PCNX2: variants seen among roughly 807,000 people sequenced by gnomAD.
PCNX2 encodes the protein pecanex-like protein 2.
PCNX2 carries 168 observed loss-of-function variants against 223.8 expected under a neutral mutation model. That is an observed-to-expected ratio of 0.75 (90% confidence interval 0.66 to 0.85). The LOEUF (loss-of-function observed/expected upper bound fraction) is 0.85, where lower values mean the gene tolerates loss of function less well. Among genes scored for constraint, PCNX2 ranks in the 40% least tolerant of loss-of-function variants. The probability of loss-of-function intolerance (pLI) is 0.00; values close to 1 mark genes in which losing one functional copy is unlikely to be tolerated. For synonymous variants in PCNX2, 1,006 were observed against 1,052.6 expected (o/e 0.96, Z 0.86); for missense variants, 2,507 against 2,675.5 (o/e 0.94, Z 1.39).
intron 25 of PCNX2, among the ~76,000 whole-genome samples, chr1:233,050,143 T>A (rs1323978583): frequency 6.6e-6 from 1 of 151,996 alleles, no homozygotes; most frequent in African/African-American, 2.4e-5. Flanking sequence ...ATGTAGATGA[T>A]GGGTTGATGG....
chr1:233,198,869 T>C (rs1466427635), intron 15 of PCNX2, 70 bp downstream of exon 15: 5 of 1,397,396 alleles, frequency 3.6e-6, no homozygotes, highest in Non-Finnish European at 4.9e-6. Context: ...GAAAAAACAT[T>C]CATTTGTTTA....
At chr1:232,989,216 A>G (rs192364903) in intron 32 of PCNX2, among the ~76,000 whole-genome samples, 2,828 of 152,250 alleles carry the variant, frequency 0.019, 39 homozygotes, top group South Asian at 0.051. Flanking sequence ...GCACTTTGGG[A>G]GGCCGAGGCA....
intron 22 of PCNX2, among the ~76,000 whole-genome samples, chr1:233,094,569 A>T (rs968236545): frequency 1.2e-4 from 19 of 152,164 alleles, no homozygotes; most frequent in East Asian, 1.9e-4. Flanking sequence ...CATTTTTTTT[A>T]AAAAAAGTTA....
At chr1:233,149,040 TCA>T (rs2102796662) in intron 19 of PCNX2, among the ~76,000 whole-genome samples, 1 of 152,338 alleles carries the variant, frequency 6.6e-6, no homozygotes, top group East Asian at 1.9e-4. Context: ...GTGTTAGGGT[TCA>T]CACAAAGTAA....
intron 9 of PCNX2, among the ~76,000 whole-genome samples, chr1:233,231,099 G>C (rs960701014): frequency 6.6e-6 from 1 of 152,152 alleles, no homozygotes; most frequent in Non-Finnish European, 1.5e-5. Context: ...GGCTCTGAGA[G>C]ATTAGGCCAC....
chr1:233,195,522 T>C (rs918563061), intron 15 of PCNX2, among the ~76,000 whole-genome samples: 2 of 152,226 alleles, frequency 1.3e-5, no homozygotes, highest in South Asian at 2.1e-4. Context: ...ATTGTGTTTA[T>C]TGATAGACAT....
chr1:233,179,718 C>A (rs1007404362), intron 15 of PCNX2, among the ~76,000 whole-genome samples: 1 of 152,216 alleles, frequency 6.6e-6, no homozygotes, highest in Non-Finnish European at 1.5e-5. Context: ...AGCCTCCTAT[C>A]AACTATCAGT....
chr1:233,261,438 C>A, intron 3 of PCNX2, 117 bp from the exon 4 acceptor site: 1 of 888,010 alleles, frequency 1.1e-6, no homozygotes, highest in Non-Finnish European at 1.9e-6. Context: ...AGGGGAGAGA[C>A]AATACAGTGT....
chr1:233,115,840 G>T (rs2102983989), intron 21 of PCNX2, among the ~76,000 whole-genome samples: 1 of 152,166 alleles, frequency 6.6e-6, no homozygotes, highest in Non-Finnish European at 1.5e-5. Flanking sequence ...AAATGAAATG[G>T]TCTAAATATA....
rs1347035660 is a variant in PCNX2 at position 232,999,113 on chromosome 1, C to T, written c.5595G>A (p.Lys1865=). 3.1e-6 allele frequency: 5 copies of T among 1,603,838 alleles called. No homozygotes were observed. The African/African-American group carries it at 4.0e-5, about 13-fold the overall frequency. Residue 1865 remains lysine (K), a synonymous_variant, in exon 31 of 34, where the codon AAG becomes AAA. Transcript: ENST00000258229. ...LDRIRTWFWT[K]WVRMRKDCNA... is the part of the protein sequence containing the mutation. ...TTGTTGTAAAAACTTACCTTACCCA[C>T]TTGGTCCAGAACCAGGTCCTAATTC... is the stretch of plus-strand genomic sequence containing the variant.
intron 15 of PCNX2, among the ~76,000 whole-genome samples, chr1:233,185,747 A>G (rs1305452167): frequency 6.6e-6 from 1 of 152,230 alleles, no homozygotes; most frequent in African/African-American, 2.4e-5. Context: ...AAAGTTTTAA[A>G]TGGTCTGTTG....
chr1:233,167,970 C>G, intron 17 of PCNX2: 2 of 340,168 alleles, frequency 5.9e-6, no homozygotes, highest in Non-Finnish European at 8.3e-6. Flanking sequence ...TGGTACTGCC[C>G]TCTTCCTTCA....
intron 19 of PCNX2, among the ~76,000 whole-genome samples, chr1:233,142,936 G>C (rs1553299718): frequency 1.3e-5 from 2 of 151,756 alleles, no homozygotes; most frequent in Non-Finnish European, 1.5e-5. Context: ...CCTATCCCTG[G>C]TCATCTGCTT....
intron 15 of PCNX2, among the ~76,000 whole-genome samples, chr1:233,181,545 C>A (rs1370837842): frequency 6.6e-6 from 1 of 152,188 alleles, no homozygotes; most frequent in African/African-American, 2.4e-5. Flanking sequence ...TCCCCTTGAT[C>A]CAGTTGCCCT....
In PCNX2 at chr1:233,157,920, C is replaced by A. The variant is rs576592838; in HGVS notation, c.3517+2363G>T. ...ATAGCTAGTGTAGGTAGGTGAGAAA[C>A]TTGCACAGAGCCTCTGCCTGACACT... On this transcript the variant is annotated intron_variant, in intron 19 of 33. Transcript: ENST00000258229. Among the ~76,000 whole-genome samples, 4 of 152,170 alleles carry A rather than the reference C, an allele frequency of 2.6e-5. No individual in the cohort carries two copies. In the East Asian group the frequency reaches 7.7e-4, roughly 29 times the overall value.
At chr1:233,063,276 T>G (rs928416955) in intron 23 of PCNX2, among the ~76,000 whole-genome samples, 2 of 151,998 alleles carry the variant, frequency 1.3e-5, no homozygotes, top group African/African-American at 4.8e-5. Context: ...CTGTAATTAT[T>G]GAACAAATAG....
intron 8 of PCNX2, among the ~76,000 whole-genome samples, chr1:233,244,994 C>T (rs1032951109): frequency 2.6e-5 from 4 of 152,154 alleles, no homozygotes; most frequent in African/African-American, 9.7e-5. Flanking sequence ...GGTTGTTTTG[C>T]TCTGCAAATA....
At chr1:233,225,110 TAA>T (rs71173259) in intron 10 of PCNX2, among the ~76,000 whole-genome samples, 1,271 of 42,102 alleles carry the variant, frequency 0.03, 16 homozygotes, top group African/African-American at 0.12. Context: ...AGAACTAAAG[TAA>T]AAAAAAAAAA....
At position 233,068,756 on chromosome 1, in the gene PCNX2, T is replaced by C. The variant is rs559483725; in HGVS notation, c.4077-11466A>G. 2.2e-3 allele frequency among the ~76,000 whole-genome samples: 340 copies of C among 151,986 alleles called. 2 individuals are homozygous for C. Among genetic ancestry groups the C allele is most frequent in the African/African-American group, 7.7e-3 (319 of 41,526 alleles). On this transcript the variant is annotated intron_variant, in intron 23 of 33. Transcript: ENST00000258229. ...TAAATCAAAATAGAATTCTGAAAAATGTTCAAGAAACATACAAGAATCAGG... is the reference window on the plus strand; with the variant it reads ...TAAATCAAAATAGAATTCTGAAAAACGTTCAAGAAACATACAAGAATCAGG...
Sources: allele counts gnomAD v4.1 joint callset (sites outside exome capture counted in the v4.1 genomes callset), GRCh38; gene constraint gnomAD v4.1.1; transcripts MANE v1.5; gene names NCBI Gene and HGNC (gene_info 2026-07-23, HGNC 2026-07-21).